The following MYO15B variants were observed in gnomAD, a reference collection of about 807,000 sequenced individuals.
The protein encoded by MYO15B is myosin XVB, also known as myosin XVB pseudogene.
MYO15B carries 207 observed loss-of-function variants against 119.3 expected under a neutral mutation model. That is an observed-to-expected ratio of 1.73 (90% CI 1.55 to 1.95). The LOEUF is 1.95. Ranked by LOEUF, MYO15B falls within the 30% of genes most tolerant of loss-of-function variation. The pLI, the probability that MYO15B is intolerant of heterozygous loss-of-function variation, is 0.00. For synonymous variants in MYO15B, 966 were observed against 498.9 expected (o/e 1.94, Z -12.48); for missense variants, 2,264 against 1,203.1 (o/e 1.88, Z -13.04).
chr17:75,596,011 C>T (rs1198010583), intron 12 of MYO15B, among the ~76,000 whole-genome samples: 1 of 152,178 alleles, frequency 6.6e-6, no homozygotes, highest in Non-Finnish European at 1.5e-5. Context: ...ATCCAAGCTC[C>T]TGTGTGTGTG....
intron 41 of MYO15B, 199 bp from the exon 42 acceptor site, chr17:75,617,611 G>A: frequency 6.8e-6 from 4 of 589,308 alleles, no homozygotes; most frequent in Non-Finnish European, 1.2e-5. Flanking sequence ...GAAGACCCAC[G>A]AGCCTCACGG....
intron 62 of MYO15B, 44 bp downstream of exon 62, chr17:75,626,021 G>C (rs763921219): frequency 1.4e-6 from 1 of 698,040 alleles, no homozygotes; most frequent in East Asian, 2.7e-5. Context: ...GGACCCTTGG[G>C]CTGTTCCATC....
chr17:75,619,866 G>A lies in MYO15B; in HGVS notation c.7302-13G>A, dbSNP rs1406279820. The A allele has an allele frequency of 2.0e-5, 14 of 702,084 alleles. No homozygotes were observed. Among genetic ancestry groups the A allele is most frequent in the African/African-American group, 3.5e-5 (2 of 57,250 alleles). The allele number at this position is 702,084 out of a possible 1,614,324, so 43.5% of individuals were successfully genotyped here. On this transcript the variant is annotated splice_polypyrimidine_tract_variant and intron_variant, in intron 46 of 63. Coordinates refer to ENST00000645453, the Ensembl canonical transcript of MYO15B. ...GGCAAGGTGACCTCAGTTCATGCCC[G>A]ATCCCTGCGCAGCTTTGCGGAGGTG... is the stretch of plus-strand genomic sequence containing the variant.
exon 27 of MYO15B, chr17:75,612,986 C>T (rs2058122710): frequency 1.4e-6 from 1 of 691,750 alleles, no homozygotes. Flanking sequence ...GCTGCGGCTC[C>T]TGGGGGACGG....
Position 75,589,446 on chromosome 17 carries a change from GA to G in MYO15B, c.1392del (p.Ala465ArgfsTer33), listed in dbSNP as rs2056291865. ...GAGGGTACGAGGGGCGGGGCTGCGG[GA>G]AAGCGGACGAGGGGCGGGGTCACGA... On this transcript the variant is annotated frameshift_variant, in exon 1 of 64. Coordinates refer to ENST00000645453, the Ensembl canonical transcript of MYO15B. LOFTEE classifies it high-confidence loss of function. The surrounding 1 kb of genome is among the most constrained non-coding windows in gnomAD (Gnocchi z 4.2). 2.5e-6 allele frequency: 1 copy of G among 395,990 alleles called. No homozygotes were observed. Among genetic ancestry groups the G allele is most frequent in the Non-Finnish European group, 4.4e-6 (1 of 225,330 alleles). 24.5% of individuals were successfully genotyped at this position (395,990 alleles called of 1,614,324 possible).
exon 14 of MYO15B, chr17:75,596,848 T>A (rs1434687641): frequency 1.4e-6 from 1 of 702,946 alleles, no homozygotes; most frequent in East Asian, 2.7e-5. Flanking sequence ...TCCTGGTAGA[T>A]CAGCCCCACA....
intron 7 of MYO15B, 23 bp downstream of exon 7, chr17:75,592,324 C>T: frequency 2.8e-6 from 2 of 702,688 alleles, no homozygotes; most frequent in Non-Finnish European, 5.2e-6. Context: ...CTTCTATCCA[C>T]CCCTGCCCAG....
chr17:75,591,862 C>T (rs1381841509), intron 5 of MYO15B, 115 bp from the exon 6 acceptor site: 2 of 666,896 alleles, frequency 3.0e-6, no homozygotes, highest in Non-Finnish European at 5.5e-6. Flanking sequence ...GGGTCAGCTG[C>T]AGGCACTGCC....
rs1216113853 is a variant in MYO15B at position 75,614,637 on chromosome 17, A to AC, written c.5441dup (p.Pro1815SerfsTer187). 1 of 700,498 alleles carries AC rather than the reference A, an allele frequency of 1.4e-6. No individual in the cohort carries two copies. Among genetic ancestry groups the AC allele is most frequent in the East Asian group, 2.7e-5 (1 of 37,248 alleles). 43.4% of individuals were successfully genotyped at this position (700,498 alleles called of 1,614,324 possible). ...TTCAGGCCCCCTCACTGCCCCCAGGACCCCCTCCAGGTCCAGCCCCAACGC... is the reference window on the plus strand; with the variant it reads ...TTCAGGCCCCCTCACTGCCCCCAGGACCCCCCTCCAGGTCCAGCCCCAACGC... On this transcript the variant is annotated frameshift_variant, in exon 31 of 64. Transcript: ENST00000645453. LOFTEE classifies it high-confidence loss of function.
chr17:75,595,160 G>C (rs1011304706), intron 12 of MYO15B, 188 bp downstream of exon 12: 1 of 603,040 alleles, frequency 1.7e-6, no homozygotes, highest in East Asian at 2.7e-5. Context: ...GGGATGGAGA[G>C]GTAAAGGAGT....
chr17:75,615,528 G>A (rs754210143), exon 35 of MYO15B: 16 of 699,808 alleles, frequency 2.3e-5, no homozygotes, highest in South Asian at 1.9e-4. Context: ...CGCAGCCACC[G>A]CTTCCCAGCC....
exon 30 of MYO15B, chr17:75,614,230 G>A (rs1237302680): frequency 5.7e-6 from 4 of 702,430 alleles, no homozygotes; most frequent in South Asian, 1.5e-5. Flanking sequence ...GGGCTGGTCT[G>A]TGTCACTGCA....
chr17:75,591,486 T>TG (rs1278239491), intron 4 of MYO15B, 115 bp from the exon 5 acceptor site: 2 of 661,938 alleles, frequency 3.0e-6, no homozygotes, highest in East Asian at 2.7e-5. Context: ...TCCACATTTA[T>TG]GGGGGTCTCT....
In MYO15B at chr17:75,611,673, T is replaced by G; in HGVS notation, c.4504+15T>G. On this transcript the variant is annotated intron_variant, in intron 24 of 63. Transcript: ENST00000645453. ...GACGGCGGAAAGTGAGTCTTGTTGG[T>G]GTCCTCTTGTTAGGACTCCTTCTCC... 1.4e-6 allele frequency: 1 copy of G among 702,782 alleles called. No individual in the cohort carries two copies. Among genetic ancestry groups the G allele is most frequent in the Non-Finnish European group, 2.6e-6 (1 of 384,984 alleles). The allele number at this position is 702,782 out of a possible 1,614,324, so 43.5% of individuals were successfully genotyped here. A position where few individuals can be genotyped will look rare whatever the true frequency, so the allele number is the denominator to read the frequency against.
chr17:75,605,930 C>T (rs1317721330), exon 21 of MYO15B: 1 of 702,720 alleles, frequency 1.4e-6, no homozygotes. Context: ...CTCCCAGGCC[C>T]TGGTCGACCT....
chr17:75,619,575 C>T (rs767574108), intron 45 of MYO15B, 99 bp downstream of exon 45: 24 of 683,086 alleles, frequency 3.5e-5, no homozygotes, highest in South Asian at 6.1e-5. Flanking sequence ...GGGGAGCAGA[C>T]GCCAGGGGAA....
At chr17:75,620,128 C>T in intron 47 of MYO15B, 108 bp downstream of exon 47, 1 of 648,722 alleles carries the variant, frequency 1.5e-6, no homozygotes, top group East Asian at 2.8e-5. Flanking sequence ...TGGGCCAAAT[C>T]CCTGGAAGTC....
intron 61 of MYO15B, 21 bp from the exon 62 acceptor site, chr17:75,625,823 C>G (rs2059015355): frequency 1.6e-5 from 11 of 702,326 alleles, no homozygotes; most frequent in Middle Eastern, 2.6e-4. Flanking sequence ...GATTTCCTGC[C>G]TGCACCCTCT....
Position 75,591,963 on chromosome 17 carries a change from C to T in MYO15B, c.2548-14C>T, listed in dbSNP as rs938804805. 36 of 701,084 alleles carry T rather than the reference C, an allele frequency of 5.1e-5. No individual in the cohort carries two copies. The highest frequency in any genetic ancestry group is 4.9e-4 in the African/African-American group (28 of 57,182). 43.4% of individuals were successfully genotyped at this position (701,084 alleles called of 1,614,324 possible). A position where few individuals can be genotyped will look rare whatever the true frequency, so the allele number is the denominator to read the frequency against. On this transcript the variant is annotated splice_polypyrimidine_tract_variant and intron_variant, in intron 5 of 63. Transcript: ENST00000645453. The stretch of plus-strand genomic sequence containing the variant: ...CTGCTGCCCAGGGATGCTTGAACAC[C>T]CCTCCCTGTACAGGTGGAGGATATG...
Sources: allele counts gnomAD v4.1 joint callset (sites outside exome capture counted in the v4.1 genomes callset), GRCh38; gene constraint gnomAD v4.1.1; non-coding constraint Gnocchi (gnomAD v3.1); transcripts MANE v1.5; gene names NCBI Gene and HGNC (gene_info 2026-07-23, HGNC 2026-07-21).